The following CMTM4 variants were observed in gnomAD, a reference collection of about 807,000 sequenced individuals.
The protein encoded by CMTM4 is CKLF-like MARVEL transmembrane domain-containing protein 4.
A neutral mutation model predicts 19.0 loss-of-function variants in CMTM4; 8 were observed. The observed-to-expected ratio is 0.42, with a 90% CI of 0.25 to 0.76. CMTM4 has a LOEUF of 0.76. Among genes scored for constraint, CMTM4 ranks in the 30% least tolerant of loss-of-function variants. The pLI is 0.27. For missense variants in CMTM4, 228 were observed against 290.2 expected, an observed-to-expected ratio of 0.79 and a Z score of 1.56; for synonymous variants, 106 against 121.1, an observed-to-expected ratio of 0.88 and a Z score of 0.82.
the CMTM4 span, among the ~76,000 whole-genome samples, chr16:66,598,255 G>A: frequency 1.8e-3 from 280 of 152,312 alleles, no homozygotes; most frequent in African/African-American, 6.5e-3. Flanking sequence ...CTATGTGACA[G>A]GCTCTGGGCT....
the CMTM4 span, among the ~76,000 whole-genome samples, chr16:66,602,766 C>T: frequency 5.3e-5 from 8 of 152,064 alleles, no homozygotes; most frequent in African/African-American, 9.7e-5. Context: ...AAGCTGGTCT[C>T]GAACTCCTGA....
the CMTM4 span, among the ~76,000 whole-genome samples, chr16:66,603,351 G>A: frequency 3.9e-5 from 6 of 151,996 alleles, no homozygotes; most frequent in Non-Finnish European, 8.8e-5. Flanking sequence ...GCAGTGGTGT[G>A]ATTTTGGCTC....
chr16:66,631,149 C>G (rs1354269287), intron 2 of CMTM4, among the ~76,000 whole-genome samples: 1 of 151,862 alleles, frequency 6.6e-6, no homozygotes, highest in Admixed American at 6.6e-5. Context: ...CGGCAGCCAC[C>G]CCGTCCGGGA....
chr16:66,624,466 C>CT (rs1321336308), intron 2 of CMTM4, among the ~76,000 whole-genome samples: 1 of 152,208 alleles, frequency 6.6e-6, no homozygotes, highest in Non-Finnish European at 1.5e-5. Flanking sequence ...TCGATTTCCT[C>CT]TTTTTGAAGA....
At chr16:66,684,567 G>T (rs1033722948) in intron 1 of CMTM4, among the ~76,000 whole-genome samples, 3 of 151,800 alleles carry the variant, frequency 2.0e-5, no homozygotes, top group Admixed American at 2.0e-4. Flanking sequence ...CCCCCATCTC[G>T]AGAAAAGGCC....
intron 1 of CMTM4, among the ~76,000 whole-genome samples, chr16:66,689,160 T>A (rs190804155): frequency 6.6e-6 from 1 of 152,306 alleles, no homozygotes; most frequent in Admixed American, 6.5e-5. Flanking sequence ...TCCAGTATGA[T>A]CTTGAATATG....
intron 1 of CMTM4, among the ~76,000 whole-genome samples, chr16:66,682,063 T>C (rs917322986): frequency 6.6e-6 from 1 of 152,198 alleles, no homozygotes; most frequent in African/African-American, 2.4e-5. Flanking sequence ...TGTACTTTTG[T>C]CTGCCCCACT....
At chr16:66,679,063 C>T (rs577106542) in intron 1 of CMTM4, among the ~76,000 whole-genome samples, 183 of 150,820 alleles carry the variant, frequency 1.2e-3, no homozygotes, top group African/African-American at 4.3e-3. Context: ...CATGCCACTG[C>T]GCTCCAGCCT....
At chr16:66,613,029 AAGAC>A (rs1389196108), downstream of CMTM4, 13 of 702,780 alleles carry the variant, frequency 1.8e-5, no homozygotes, top group Non-Finnish European at 3.1e-5. Context: ...AACAGGAACA[AAGAC>A]AGAAACCATG....
chr16:66,693,838 T>C (rs772817329), intron 1 of CMTM4, among the ~76,000 whole-genome samples: 6 of 151,816 alleles, frequency 4.0e-5, no homozygotes, highest in Admixed American at 2.0e-4. Context: ...CTGGGCAACA[T>C]AGTGAAACCC....
intron 1 of CMTM4, among the ~76,000 whole-genome samples, chr16:66,652,614 C>T (rs565840290): frequency 9.2e-5 from 14 of 152,294 alleles, no homozygotes; most frequent in South Asian, 4.1e-4. Context: ...CATGCTCTAA[C>T]GCATACATTA....
chr16:66,675,775 G>A (rs538657602), intron 1 of CMTM4, among the ~76,000 whole-genome samples: 162 of 152,230 alleles, frequency 1.1e-3, no homozygotes, highest in African/African-American at 3.6e-3. Flanking sequence ...CTGCAGGACC[G>A]AACAGCCGTG....
At chr16:66,612,479 C>G (rs1036162212), downstream of CMTM4, 4 of 881,738 alleles carry the variant, frequency 4.5e-6, no homozygotes, top group Non-Finnish European at 7.2e-6. The surrounding 1 kb of genome is among the most constrained non-coding windows in gnomAD (Gnocchi z 6.0). Context: ...TCACTGGGAA[C>G]GGTAGAGTCA....
intron 2 of CMTM4, 81 bp downstream of exon 2, chr16:66,636,324 T>G: frequency 1.8e-6 from 2 of 1,128,696 alleles, no homozygotes; most frequent in South Asian, 1.6e-5. Flanking sequence ...GAACCAAACA[T>G]GACCTGGAGA....
Position 66,620,417 on chromosome 16 carries a change from C to T in CMTM4, c.*1641G>A, listed in dbSNP as rs538580217. 19 of 985,446 alleles carry T rather than the reference C, an allele frequency of 1.9e-5. No homozygotes were observed. The South Asian group carries it at 7.5e-4, about 39-fold the overall frequency. 61.0% of individuals were successfully genotyped at this position (985,446 alleles called of 1,614,324 possible). The stretch of plus-strand genomic sequence containing the variant: ...CAGCCACATAGCCTGGGACACTGCT[C>T]CCAACTCAGATCGTACTGAAGGTGT... On this transcript the variant is annotated 3_prime_UTR_variant, in exon 4 of 4. Transcript: ENST00000394106.
intron 1 of CMTM4, among the ~76,000 whole-genome samples, chr16:66,681,034 T>G (rs559531264): frequency 5.3e-5 from 8 of 152,290 alleles, no homozygotes; most frequent in African/African-American, 1.4e-4. Flanking sequence ...AATTTTCTAA[T>G]AGCCATATTT....
chr16:66,626,046 T>C (rs1284326228), intron 2 of CMTM4, among the ~76,000 whole-genome samples: 1 of 152,148 alleles, frequency 6.6e-6, no homozygotes, highest in Non-Finnish European at 1.5e-5. Context: ...GAAGGACATA[T>C]GAAACACTAC....
At chr16:66,648,453 G>GT (rs201836781) in intron 1 of CMTM4, among the ~76,000 whole-genome samples, 249 of 152,302 alleles carry the variant, frequency 1.6e-3, no homozygotes, top group African/African-American at 5.7e-3. Context: ...GAGGTCAGGA[G>GT]TTCAAGACCA....
chr16:66,634,098 C>T (rs7193126), intron 2 of CMTM4, among the ~76,000 whole-genome samples: 6,653 of 152,176 alleles, frequency 0.044, 268 homozygotes, highest in East Asian at 0.16. Context: ...AGTGGAAAAT[C>T]TTTCATGATT....
Sources: gnomAD v4.1 joint callset for allele counts (sites outside exome capture counted in the v4.1 genomes callset) on GRCh38, gnomAD v4.1.1 for gene constraint, Gnocchi (gnomAD v3.1) non-coding constraint, MANE v1.5 for transcripts, NCBI Gene and HGNC (gene_info 2026-07-23, HGNC 2026-07-21) for gene names.